The following SGPP2 variants were observed in gnomAD, a reference collection of about 807,000 sequenced individuals.
SGPP2 encodes the protein sphingosine-1-phosphate phosphatase 2, also known as sphingosine 1-phosphate phosphohydrolase 2.
In SGPP2, 30 loss-of-function variants were observed where a neutral mutation model predicts 33.9. The observed-to-expected ratio is 0.89, with a 90% CI of 0.66 to 1.20. The LOEUF (loss-of-function observed/expected upper bound fraction) is 1.20, where lower values mean the gene tolerates loss of function less well. Ranked by LOEUF, SGPP2 falls within the 50% of genes most tolerant of loss-of-function variation. The pLI is 0.00. For missense variants in SGPP2, 458 were observed against 532.1 expected, an observed-to-expected ratio of 0.86 and a Z score of 1.37; for synonymous variants, 233 against 225.0, an observed-to-expected ratio of 1.04 and a Z score of -0.32.
At chr2:222,531,836 G>A (rs1698843659) in intron 4 of SGPP2, among the ~76,000 whole-genome samples, 1 of 152,092 alleles carries the variant, frequency 6.6e-6, no homozygotes, top group African/African-American at 2.4e-5. Context: ...ATATGTGCAT[G>A]CCCCTGAACA....
At chr2:222,538,356 A>G (rs1698944326) in intron 4 of SGPP2, among the ~76,000 whole-genome samples, 1 of 152,222 alleles carries the variant, frequency 6.6e-6, no homozygotes, top group Non-Finnish European at 1.5e-5. Context: ...AGAGGAAGAG[A>G]GACAGAGAGA....
At chr2:222,557,667 G>A (rs1689436462) in intron 4 of SGPP2, among the ~76,000 whole-genome samples, 1 of 152,136 alleles carries the variant, frequency 6.6e-6, no homozygotes, top group Admixed American at 6.5e-5. Flanking sequence ...TTTTAAGCAG[G>A]GAAGGAAGGA....
At chr2:222,434,730 A>G (rs532288664) in intron 1 of SGPP2, among the ~76,000 whole-genome samples, 2 of 152,202 alleles carry the variant, frequency 1.3e-5, no homozygotes, top group African/African-American at 4.8e-5. Context: ...CTGCCCATCA[A>G]AGCAAAGATT....
At chr2:222,480,841 A>T (rs1209018447) in intron 2 of SGPP2, among the ~76,000 whole-genome samples, 1 of 152,262 alleles carries the variant, frequency 6.6e-6, no homozygotes, top group African/African-American at 2.4e-5. Context: ...TATTCACAAT[A>T]GCAAAGTCAT....
chr2:222,469,545 C>G (rs2106091752), intron 1 of SGPP2, among the ~76,000 whole-genome samples: 1 of 152,320 alleles, frequency 6.6e-6, no homozygotes, highest in Admixed American at 6.5e-5. Context: ...AGGCCATCAG[C>G]TCTTTTGCTG....
At chr2:222,446,840 G>A (rs925477521) in intron 1 of SGPP2, among the ~76,000 whole-genome samples, 6 of 152,142 alleles carry the variant, frequency 3.9e-5, no homozygotes, top group Admixed American at 3.3e-4. Flanking sequence ...AGGATTTGGG[G>A]CATGATGGAA....
rs576441134 is a variant in SGPP2 at position 222,515,359 on chromosome 2, C to T, written c.379-6408C>T. Among the ~76,000 whole-genome samples, 61 of 152,210 alleles carry T rather than the reference C, an allele frequency of 4.0e-4. No homozygotes were observed. The East Asian group carries it at 5.2e-3, about 13-fold the overall frequency. On this transcript the variant is annotated intron_variant, in intron 2 of 4. Transcript: ENST00000321276. Reference sequence around the variant, plus strand: ...TTTTTCTTTTTCTGGGATGGAGTCTCGCTCTGTCACCCAGGCTGGAGCGCA... The same window carrying T: ...TTTTTCTTTTTCTGGGATGGAGTCTTGCTCTGTCACCCAGGCTGGAGCGCA...
chr2:222,449,429 G>A (rs1470101111), intron 1 of SGPP2, among the ~76,000 whole-genome samples: 4 of 151,652 alleles, frequency 2.6e-5, no homozygotes, highest in Non-Finnish European at 4.4e-5. Context: ...TGGAGAACAC[G>A]TGCCCCATCC....
intron 2 of SGPP2, among the ~76,000 whole-genome samples, chr2:222,519,563 A>G (rs564913476): frequency 3.9e-5 from 6 of 152,320 alleles, no homozygotes; most frequent in Admixed American, 1.3e-4. Flanking sequence ...CTTTTTTAAA[A>G]AAATCAACTT....
intron 2 of SGPP2, among the ~76,000 whole-genome samples, chr2:222,502,199 T>C (rs1698378020): frequency 6.6e-6 from 1 of 152,224 alleles, no homozygotes; most frequent in Admixed American, 6.5e-5. Flanking sequence ...GATATATACA[T>C]TACAATGTCT....
At chr2:222,443,603 T>A (rs1050670988) in intron 1 of SGPP2, among the ~76,000 whole-genome samples, 4 of 152,254 alleles carry the variant, frequency 2.6e-5, no homozygotes, top group Non-Finnish European at 5.9e-5. Flanking sequence ...CTCGCTGGTA[T>A]TTTCTTTGCA....
At chr2:222,490,199 G>C (rs1209813251) in intron 2 of SGPP2, among the ~76,000 whole-genome samples, 1 of 151,984 alleles carries the variant, frequency 6.6e-6, no homozygotes, top group African/African-American at 2.4e-5. Context: ...AACCTTTTTA[G>C]TATGTCACCT....
At chr2:222,543,824 C>T (rs1689128469) in intron 4 of SGPP2, among the ~76,000 whole-genome samples, 1 of 152,148 alleles carries the variant, frequency 6.6e-6, no homozygotes, top group African/African-American at 2.4e-5. Context: ...CTTCACTATT[C>T]TTGTATTCTC....
intron 1 of SGPP2, among the ~76,000 whole-genome samples, chr2:222,458,238 A>C: frequency 6.7e-6 from 1 of 149,790 alleles, no homozygotes; most frequent in Non-Finnish European, 1.5e-5. Context: ...AATTTTTTGT[A>C]GAGATGGAGA....
At chr2:222,512,517 T>C (rs1391479508) in intron 2 of SGPP2, among the ~76,000 whole-genome samples, 2 of 152,176 alleles carry the variant, frequency 1.3e-5, no homozygotes, top group South Asian at 4.1e-4. Context: ...ACATTAGGGT[T>C]CATTCTTGGT....
At chr2:222,462,391 G>A (rs924497609) in intron 1 of SGPP2, among the ~76,000 whole-genome samples, 1 of 152,092 alleles carries the variant, frequency 6.6e-6, no homozygotes, top group Non-Finnish European at 1.5e-5. Flanking sequence ...AAGACCCTTG[G>A]GTGACAAGAC....
intron 2 of SGPP2, among the ~76,000 whole-genome samples, chr2:222,492,561 G>A (rs111850730): frequency 0.018 from 2,803 of 152,328 alleles, 36 homozygotes; most frequent in Non-Finnish European, 0.031. Context: ...CCACTAAACC[G>A]CTTTTTCCTC....
At chr2:222,529,686 C>A (rs1292008374) in intron 4 of SGPP2, among the ~76,000 whole-genome samples, 1 of 152,126 alleles carries the variant, frequency 6.6e-6, no homozygotes, top group African/African-American at 2.4e-5. Context: ...AAGTCGTAAC[C>A]CCCTCAAAGT....
chr2:222,484,893 A>T (rs952918902), intron 2 of SGPP2, among the ~76,000 whole-genome samples: 12 of 152,316 alleles, frequency 7.9e-5, no homozygotes, highest in Middle Eastern at 3.4e-3. Context: ...TTTCAAACAA[A>T]ATCTTAATTT....
Sources: allele counts gnomAD v4.1 joint callset (sites outside exome capture counted in the v4.1 genomes callset), GRCh38; gene constraint gnomAD v4.1.1; transcripts MANE v1.5; gene names NCBI Gene and HGNC (gene_info 2026-07-23, HGNC 2026-07-21).